Variants in C8orf82 observed in about 807,000 individuals in gnomAD.
C8orf82 encodes chromosome 8 open reading frame 82.
In C8orf82, 24 loss-of-function variants were observed where a neutral mutation model predicts 15.0. The ratio of observed to expected loss-of-function variants is 1.60; its 90% confidence interval spans 1.16 to 2.24. C8orf82 has a LOEUF of 2.24. C8orf82 is among the 30% of genes most tolerant of loss of function. The pLI, the probability that C8orf82 is intolerant of heterozygous loss-of-function variation, is 0.00. For synonymous variants in C8orf82, 205 were observed against 152.2 expected (o/e 1.35, Z -2.55); for missense variants, 388 against 317.4 (o/e 1.22, Z -1.69).
chr8:144,527,753 C>T lies in C8orf82; in HGVS notation c.240G>A (p.Leu80=), dbSNP rs748571849. The change falls in exon 3 of 3, where the codon CTG becomes CTA. Residue 80 remains leucine, a synonymous_variant. Transcript: ENST00000524821. The part of the protein sequence containing the change: ...PQFLVTFFSR[L]RPNRSGRYEA... ...CGTAGCGCCCGCTGCGGTTGGGTCT[C>T]AGGCGGGAGAAGAAGGTGACCAGGA... 6.3e-7 allele frequency: 1 copy of T among 1,594,542 alleles called. No individual in the cohort carries two copies. The highest frequency in any genetic ancestry group is 1.1e-5 in the South Asian group (1 of 90,634).
Position 144,527,487 on chromosome 8 carries a change from C to A in C8orf82, c.506G>T (p.Arg169Leu). 7.9e-7 allele frequency: 1 copy of A among 1,259,186 alleles called. No homozygotes were observed. The highest frequency in any genetic ancestry group is 1.0e-6 in the Non-Finnish European group (1 of 1,000,838). 78.0% of individuals were successfully genotyped at this position (1,259,186 alleles called of 1,614,324 possible). The part of the protein sequence containing the change: ...PERAGGVGLV[R>L]SALAFELSAC... ...GCTGAGCTCGAAGGCCAGGGCGGAG[C>A]GCACCAGGCCCACGCCGCCCGCACG... Residue 169 changes from arginine to leucine, a missense_variant, in exon 3 of 3, where the codon CGC becomes CTC. Coordinates refer to ENST00000524821, the MANE Select transcript of C8orf82 (RefSeq NM_001001795.2).
chr8:144,528,708 C>CCCCACAA, intron 1 of C8orf82, 53 bp downstream of exon 1: 1 of 771,044 alleles, frequency 1.3e-6, no homozygotes, highest in Non-Finnish European at 1.7e-6. Flanking sequence ...CCCGCCCCGC[C>CCCCACAA]CAGAGACCTC....
Position 144,529,043 on chromosome 8 carries a change from G to C in C8orf82, c.-127C>G. The C allele has an allele frequency of 9.9e-7, 1 of 1,009,078 alleles. No homozygotes were observed. Among genetic ancestry groups the C allele is most frequent in the Non-Finnish European group, 1.3e-6 (1 of 754,346 alleles). The allele number at this position is 1,009,078 out of a possible 1,614,324, so 62.5% of individuals were successfully genotyped here. On this transcript the variant is annotated 5_prime_UTR_variant, in exon 1 of 3. Coordinates refer to ENST00000524821, the MANE Select transcript of C8orf82 (RefSeq NM_001001795.2). ...CCCGCCTCCGCGACCCGGGCCCGGC[G>C]CTCTTCCCTCTCCCTCGGGCCTCGG...
rs749790099 is a variant in C8orf82 at position 144,528,878 on chromosome 8, C to T, written c.39G>A (p.Leu13=). The T allele has an allele frequency of 1.3e-6, 2 of 1,519,150 alleles. No individual in the cohort carries two copies. Among genetic ancestry groups the T allele is most frequent in the Non-Finnish European group, 1.8e-6 (2 of 1,135,350 alleles). The allele number at this position is 1,519,150 out of a possible 1,614,324, so 94.1% of individuals were successfully genotyped here. A position where few individuals can be genotyped will look rare whatever the true frequency, so the allele number is the denominator to read the frequency against. The change falls in exon 1 of 3, where the codon TTG becomes TTA. Residue 13 remains leucine (L), a synonymous_variant. Coordinates refer to ENST00000524821, the MANE Select transcript of C8orf82 (RefSeq NM_001001795.2). ...AGGCCCGGGCTCCCCGCGACCGCGCCAAGGCCAGGGTCCGGAGCGTCCCGC... is the reference window on the plus strand; with the variant it reads ...AGGCCCGGGCTCCCCGCGACCGCGCTAAGGCCAGGGTCCGGAGCGTCCCGC... ...PPCGTLRTLA[L]ARSRGARACS... is the part of the protein sequence containing the mutation.
In C8orf82 at chr8:144,527,045, C is replaced by A. The variant is rs1271587489; in HGVS notation, c.*297G>T. ...CGCCGGGCTGGGAGGGGGCGGGGGACGCTCGCGCACGCGCACCAGAGCCCC... is the reference window on the plus strand; with the variant it reads ...CGCCGGGCTGGGAGGGGGCGGGGGAAGCTCGCGCACGCGCACCAGAGCCCC... On this transcript the variant is annotated 3_prime_UTR_variant, in exon 3 of 3. Coordinates refer to ENST00000524821, the MANE Select transcript of C8orf82 (RefSeq NM_001001795.2). The A allele has an allele frequency of 6.3e-6, 1 of 159,578 alleles. No homozygotes were observed. Among genetic ancestry groups the A allele is most frequent in the African/African-American group, 2.4e-5 (1 of 41,538 alleles). The allele number at this position is 159,578 out of a possible 1,614,324, so 9.9% of individuals were successfully genotyped here. A position where few individuals can be genotyped will look rare whatever the true frequency, so the allele number is the denominator to read the frequency against.
chr8:144,528,485 G>A, intron 1 of C8orf82: 1 of 1,454,068 alleles, frequency 6.9e-7, no homozygotes, highest in Non-Finnish European at 9.1e-7. Context: ...GTAGGACAGA[G>A]TCCGAAGCTG....
chr8:144,527,080 G>C lies in C8orf82; in HGVS notation c.*262C>G, dbSNP rs1816391513. 5.8e-6 allele frequency: 1 copy of C among 173,452 alleles called. No homozygotes were observed. The highest frequency in any genetic ancestry group is 1.2e-5 in the Non-Finnish European group (1 of 82,992). 10.7% of individuals were successfully genotyped at this position (173,452 alleles called of 1,614,324 possible). Reference sequence around the variant, plus strand: ...CGCGCACCAGAGCCCCGCGCCCGCCGCCAGTGCCTGACGTCTCGAGCGCAG... The same window carrying C: ...CGCGCACCAGAGCCCCGCGCCCGCCCCCAGTGCCTGACGTCTCGAGCGCAG... On this transcript the variant is annotated 3_prime_UTR_variant, in exon 3 of 3. Transcript: ENST00000524821.
rs1816399943 is a variant in C8orf82, at chr8:144,527,253, C to G, written c.*89G>C. On this transcript the variant is annotated 3_prime_UTR_variant, in exon 3 of 3. Transcript: ENST00000524821. Reference sequence around the variant, plus strand: ...CGCAGGCGCACTAGGCTGCCGCGAGCGCGGGTGGCGCGGGCTTTCCGGGGC... The same window carrying G: ...CGCAGGCGCACTAGGCTGCCGCGAGGGCGGGTGGCGCGGGCTTTCCGGGGC... 1 of 933,572 alleles carries G rather than the reference C, an allele frequency of 1.1e-6. No individual in the cohort carries two copies. Among genetic ancestry groups the G allele is most frequent in the Non-Finnish European group, 1.3e-6 (1 of 743,126 alleles). The allele number at this position is 933,572 out of a possible 1,614,324, so 57.8% of individuals were successfully genotyped here.
rs751454193 is a variant in C8orf82, at chr8:144,527,788, C to T, written c.206-1G>A. The T allele has an allele frequency of 3.8e-6, 6 of 1,594,218 alleles. No homozygotes were observed. In the East Asian group the frequency reaches 1.1e-4, roughly 30 times the overall value. On this transcript the variant is annotated splice_acceptor_variant, in intron 2 of 2. Transcript: ENST00000524821. LOFTEE classifies it high-confidence loss of function. ...AAGAAGGTGACCAGGAACTGCGGGT[C>T]TGGGGGATGAAGGGTGCGTGTACTC...
Position 144,528,755 on chromosome 8 carries a change from G to A in C8orf82, c.156+6C>T, listed in dbSNP as rs756041427. 5 of 1,074,676 alleles carry A rather than the reference G, an allele frequency of 4.7e-6. No individual in the cohort carries two copies. Among genetic ancestry groups the A allele is most frequent in the Non-Finnish European group, 5.7e-6 (5 of 881,482 alleles). The allele number at this position is 1,074,676 out of a possible 1,614,324, so 66.6% of individuals were successfully genotyped here. A position where few individuals can be genotyped will look rare whatever the true frequency, so the allele number is the denominator to read the frequency against. On this transcript the variant is annotated splice_donor_region_variant and intron_variant, in intron 1 of 2. Coordinates refer to ENST00000524821, the MANE Select transcript of C8orf82 (RefSeq NM_001001795.2). ...CCTCTCGAGCAACGGCCCTGCCCCC[G>A]CCCACCTGGCCCTGGTGGTCCACGT... is the stretch of plus-strand genomic sequence containing the variant.
At chr8:144,528,112 C>G (rs1193088192) in intron 1 of C8orf82, 40 bp from the exon 2 acceptor site, 3 of 1,602,556 alleles carry the variant, frequency 1.9e-6, no homozygotes, top group Middle Eastern at 1.7e-4. Flanking sequence ...TCCCAGCGTG[C>G]AGGTGGGGGC....
Position 144,527,332 on chromosome 8 carries a change from T to C in C8orf82, c.*10A>G. The C allele has an allele frequency of 8.5e-7, 1 of 1,171,348 alleles. No individual in the cohort carries two copies. The highest frequency in any genetic ancestry group is 1.6e-5 in the African/African-American group (1 of 61,464). 72.6% of individuals were successfully genotyped at this position (1,171,348 alleles called of 1,614,324 possible). A position where few individuals can be genotyped will look rare whatever the true frequency, so the allele number is the denominator to read the frequency against. On this transcript the variant is annotated 3_prime_UTR_variant, in exon 3 of 3. Transcript: ENST00000524821. Reference sequence around the variant, plus strand: ...GCGCCCGCGGCCTCCCGCCTTTCCCTTGGCCCCGCTCAGGGCGACCGAGCC... The same window carrying C: ...GCGCCCGCGGCCTCCCGCCTTTCCCCTGGCCCCGCTCAGGGCGACCGAGCC...
At chr8:144,528,432 C>G in intron 1 of C8orf82, 1 of 1,485,826 alleles carries the variant, frequency 6.7e-7, no homozygotes, top group East Asian at 2.7e-5. Context: ...GCCCGGGTGT[C>G]TCCCTGGCAG....
At position 144,527,419 on chromosome 8, in the gene C8orf82, G is replaced by A; in HGVS notation, c.574C>T (p.His192Tyr). The change falls in exon 3 of 3, where the codon CAC becomes TAC. Residue 192 changes from histidine to tyrosine, a missense_variant. By Grantham distance (83) the His-to-Tyr change is moderately conservative. Coordinates refer to ENST00000524821, the MANE Select transcript of C8orf82 (RefSeq NM_001001795.2). ...AGGCGGCGGCCCTGCCAGCGCACGT[G>A]CGAGGGCAGCGCAGGCGCGCCGGGC... The part of the protein sequence containing the change: ...YGPGAPALPS[H>Y]VRWQGRRLAL... The A allele has an allele frequency of 8.0e-7, 1 of 1,244,666 alleles. No homozygotes were observed. The highest frequency in any genetic ancestry group is 1.0e-6 in the Non-Finnish European group (1 of 991,430). The allele number at this position is 1,244,666 out of a possible 1,614,324, so 77.1% of individuals were successfully genotyped here.
Position 144,528,205 on chromosome 8 carries a change from T to C in C8orf82, c.157-133A>G, listed in dbSNP as rs1361744697. The C allele has an allele frequency of 4.0e-6, 6 of 1,503,268 alleles. No homozygotes were observed. The East Asian group carries it at 9.7e-5, about 24-fold the overall frequency. The allele number at this position is 1,503,268 out of a possible 1,614,324, so 93.1% of individuals were successfully genotyped here. A position where few individuals can be genotyped will look rare whatever the true frequency, so the allele number is the denominator to read the frequency against. ...TTCCTGCTTGTCTGTGCACACCGCA[T>C]GCAGGGAGGCGCGTGAAAGGTAAAC... On this transcript the variant is annotated intron_variant, in intron 1 of 2. Coordinates refer to ENST00000524821, the MANE Select transcript of C8orf82 (RefSeq NM_001001795.2).
At position 144,526,125 on chromosome 8, in the gene C8orf82, G is replaced by A. The variant is rs542281559; in HGVS notation, c.*1217C>T. The A allele has an allele frequency of 6.6e-6, 1 of 152,318 alleles. No homozygotes were observed. The highest frequency in any genetic ancestry group is 2.4e-5 in the African/African-American group (1 of 41,562). 9.4% of individuals were successfully genotyped at this position (152,318 alleles called of 1,614,324 possible). ...GTCCATCAGCTCTTCCTCCTTTCGA[G>A]TCATGTGGAAAGGGACAGGACCAAG... On this transcript the variant is annotated 3_prime_UTR_variant, in exon 3 of 3. Coordinates refer to ENST00000524821, the MANE Select transcript of C8orf82 (RefSeq NM_001001795.2).
Position 144,527,171 on chromosome 8 carries a change from G to T in C8orf82, c.*171C>A. ...CGCGCCGTGGGGAGCGGGGTGTCCG[G>T]GAGGGCCGGGCCGCGGCAGCACCAA... is the stretch of plus-strand genomic sequence containing the variant. On this transcript the variant is annotated 3_prime_UTR_variant, in exon 3 of 3. Transcript: ENST00000524821. 3.0e-6 allele frequency: 1 copy of T among 338,850 alleles called. No homozygotes were observed. Among genetic ancestry groups the T allele is most frequent in the Non-Finnish European group, 4.6e-6 (1 of 216,218 alleles). The allele number at this position is 338,850 out of a possible 1,614,324, so 21.0% of individuals were successfully genotyped here. A position where few individuals can be genotyped will look rare whatever the true frequency, so the allele number is the denominator to read the frequency against.
In C8orf82 at chr8:144,527,623, G is replaced by A. The variant is rs1309746852; in HGVS notation, c.370C>T (p.Pro124Ser). ...FTHLLTADHG[P>S]PRLSYCGGGE... ...CCGCCGCAGTAGGAGAGGCGCGGAG[G>A]CCCGTGGTCCGCGGTCAGCAGGTGC... The change falls in exon 3 of 3, where the codon CCT becomes TCT. Residue 124 changes from proline (P) to serine (S), a missense_variant. By Grantham distance (74) the Pro-to-Ser change is moderately conservative (BLOSUM62 -1). Coordinates refer to ENST00000524821, the MANE Select transcript of C8orf82 (RefSeq NM_001001795.2). The A allele has an allele frequency of 3.3e-6, 5 of 1,531,906 alleles. No homozygotes were observed. Among genetic ancestry groups the A allele is most frequent in the Non-Finnish European group, 4.4e-6 (5 of 1,144,520 alleles). The allele number at this position is 1,531,906 out of a possible 1,614,324, so 94.9% of individuals were successfully genotyped here.
rs1162221680 is a variant in C8orf82 at position 144,528,931 on chromosome 8, G to A, written c.-15C>T. On this transcript the variant is annotated 5_prime_UTR_variant, in exon 1 of 3. Coordinates refer to ENST00000524821, the MANE Select transcript of C8orf82 (RefSeq NM_001001795.2). ...GGCGGCCACATTCTCCTCCCGCGCC[G>A]GAAGCGACCAGCAGGTCACGCCGGG... 2.7e-6 allele frequency: 4 copies of A among 1,499,856 alleles called. No homozygotes were observed. Among genetic ancestry groups the A allele is most frequent in the African/African-American group, 1.5e-5 (1 of 68,642 alleles). The allele number at this position is 1,499,856 out of a possible 1,614,324, so 92.9% of individuals were successfully genotyped here.
Sources: gnomAD v4.1 joint callset for allele counts on GRCh38, gnomAD v4.1.1 for gene constraint, MANE v1.5 for transcripts, NCBI Gene and HGNC (gene_info 2026-07-23, HGNC 2026-07-21) for gene names.